The following C8orf34 variants were observed in gnomAD, a reference collection of about 807,000 sequenced individuals.
C8orf34 encodes chromosome 8 open reading frame 34.
A neutral mutation model predicts 68.3 loss-of-function variants in C8orf34; 65 were observed. The observed-to-expected ratio is 0.95, with a 90% CI of 0.78 to 1.17. The LOEUF (loss-of-function observed/expected upper bound fraction) is 1.17. Ranked by LOEUF, C8orf34 falls within the 50% of genes most tolerant of loss-of-function variation. The probability of loss-of-function intolerance (pLI) is 0.00; values close to 1 mark genes in which losing one functional copy is unlikely to be tolerated. For synonymous variants in C8orf34, 244 were observed against 241.2 expected, an observed-to-expected ratio of 1.01 and a Z score of -0.11; for missense variants, 664 against 655.4, an observed-to-expected ratio of 1.01 and a Z score of -0.14.
At chr8:68,676,132 T>G (rs990389664) in intron 8 of C8orf34, among the ~76,000 whole-genome samples, 2 of 152,062 alleles carry the variant, frequency 1.3e-5, no homozygotes, top group East Asian at 3.9e-4. Flanking sequence ...CTCAGGAGTT[T>G]AAGACCAGGT....
chr8:68,490,737 G>A (rs1305923829), intron 5 of C8orf34, among the ~76,000 whole-genome samples: 1 of 152,036 alleles, frequency 6.6e-6, no homozygotes, highest in African/African-American at 2.4e-5. Flanking sequence ...TTTTGCATCT[G>A]ATTTTTGGAG....
chr8:68,568,502 T>TTGGAAAAATGCTGC (rs1816667118), intron 7 of C8orf34, among the ~76,000 whole-genome samples: 1 of 152,014 alleles, frequency 6.6e-6, no homozygotes, highest in Non-Finnish European at 1.5e-5. Context: ...GCCCATGCTG[T>TTGGAAAAATGCTGC]TGGAAAAATG....
chr8:68,620,239 C>G (rs943279903), intron 7 of C8orf34, among the ~76,000 whole-genome samples: 4 of 152,134 alleles, frequency 2.6e-5, no homozygotes, highest in African/African-American at 7.2e-5. Context: ...TGGAGGATAA[C>G]TGGAAATTGA....
intron 7 of C8orf34, among the ~76,000 whole-genome samples, chr8:68,616,540 G>A (rs1370685919): frequency 3.3e-5 from 5 of 152,110 alleles, no homozygotes; most frequent in Admixed American, 2.0e-4. Flanking sequence ...CCTTCATTTC[G>A]TTATGTACCT....
At position 68,521,955 on chromosome 8, in the gene C8orf34, T is replaced by C; in HGVS notation, c.922T>C (p.Ser308Pro). The change falls in exon 6 of 14, where the codon TCT (serine) becomes CCT (proline). Residue 308 changes from serine to proline, a missense_variant. By Grantham distance (74) the Ser-to-Pro change is moderately conservative (BLOSUM62 -1). Coordinates refer to ENST00000518698, the MANE Select transcript of C8orf34 (RefSeq NM_052958.4). ...CCAATGGGAAAGTGAAGATAGTGGC[T>C]CTAGTCCTGCAGGAAGGTGAGATGA... ...NDQWESEDSG[S>P]SPAGSLKMEP... 1 of 1,613,888 alleles carries C rather than the reference T, an allele frequency of 6.2e-7. No individual in the cohort carries two copies. Among genetic ancestry groups the C allele is most frequent in the East Asian group, 2.2e-5 (1 of 44,866 alleles).
At chr8:68,783,541 A>AC (rs941670983) in intron 11 of C8orf34, among the ~76,000 whole-genome samples, 2 of 151,434 alleles carry the variant, frequency 1.3e-5, no homozygotes, top group African/African-American at 4.9e-5. Flanking sequence ...AAAAAAAAAA[A>AC]AAAAAGGAAG....
intron 7 of C8orf34, among the ~76,000 whole-genome samples, chr8:68,578,525 T>G (rs559022927): frequency 6.6e-6 from 1 of 152,044 alleles, no homozygotes; most frequent in African/African-American, 2.4e-5. Flanking sequence ...CCCATAGAGA[T>G]GGGTTTCTTA....
intron 8 of C8orf34, among the ~76,000 whole-genome samples, chr8:68,697,449 A>G (rs529059971): frequency 2.6e-5 from 4 of 152,008 alleles, no homozygotes; most frequent in South Asian, 2.1e-4. Flanking sequence ...TTTTCCCCTC[A>G]TGTGTCTTCT....
At chr8:68,385,189 C>A (rs756237824) in intron 1 of C8orf34, among the ~76,000 whole-genome samples, 1 of 152,096 alleles carries the variant, frequency 6.6e-6, no homozygotes, top group Non-Finnish European at 1.5e-5. Flanking sequence ...TGATCCTTAC[C>A]TCAACCTTAT....
At chr8:68,515,830 C>G (rs1379604380) in intron 5 of C8orf34, among the ~76,000 whole-genome samples, 1 of 152,164 alleles carries the variant, frequency 6.6e-6, no homozygotes, top group Non-Finnish European at 1.5e-5. Context: ...TACTGGCCTT[C>G]AGCCAGTACA....
intron 8 of C8orf34, among the ~76,000 whole-genome samples, chr8:68,697,625 CA>C (rs1198580747): frequency 6.6e-6 from 1 of 152,042 alleles, no homozygotes; most frequent in Non-Finnish European, 1.5e-5. Flanking sequence ...CTCTTTGGGC[CA>C]CCACAGGGAA....
chr8:68,651,845 C>T (rs1003403228), intron 8 of C8orf34, among the ~76,000 whole-genome samples: 1 of 152,066 alleles, frequency 6.6e-6, no homozygotes, highest in African/African-American at 2.4e-5. Context: ...GCCGAAACCC[C>T]TCTATTATGC....
intron 3 of C8orf34, among the ~76,000 whole-genome samples, chr8:68,457,714 G>A: frequency 6.6e-6 from 1 of 152,086 alleles, no homozygotes; most frequent in East Asian, 1.9e-4. Flanking sequence ...TATTTGCAAG[G>A]TGCTGTGGGT....
intron 3 of C8orf34, among the ~76,000 whole-genome samples, chr8:68,467,959 T>C (rs972109606): frequency 2.6e-4 from 39 of 152,022 alleles, no homozygotes; most frequent in African/African-American, 8.5e-4. Flanking sequence ...TGCCCGACAT[T>C]TAATGGGCCC....
At chr8:68,395,812 T>C (rs1214015303) in intron 1 of C8orf34, among the ~76,000 whole-genome samples, 1 of 152,098 alleles carries the variant, frequency 6.6e-6, no homozygotes, top group African/African-American at 2.4e-5. Context: ...TTCAAGTGTC[T>C]ATGCTGGAGT....
At chr8:68,564,759 C>T (rs907495864) in intron 7 of C8orf34, among the ~76,000 whole-genome samples, 3 of 152,054 alleles carry the variant, frequency 2.0e-5, no homozygotes, top group Non-Finnish European at 2.9e-5. Flanking sequence ...ATGTCAATTT[C>T]GTGGATGCTA....
intron 10 of C8orf34, among the ~76,000 whole-genome samples, chr8:68,754,898 T>C (rs1055098380): frequency 4.2e-4 from 64 of 152,322 alleles, no homozygotes; most frequent in Admixed American, 2.2e-3. Context: ...ATAGACACAT[T>C]GGAATTTTTT....
intron 12 of C8orf34, 153 bp downstream of exon 12, chr8:68,787,689 A>G (rs1450236204): frequency 5.9e-6 from 3 of 511,492 alleles, no homozygotes; most frequent in Non-Finnish European, 1.1e-5. Flanking sequence ...GCTATCCTTC[A>G]GGTCTATGTC....
chr8:68,658,823 T>A (rs994606303), intron 8 of C8orf34, among the ~76,000 whole-genome samples: 5 of 152,204 alleles, frequency 3.3e-5, no homozygotes, highest in Non-Finnish European at 5.9e-5. Flanking sequence ...GTTTTCCCCA[T>A]GCAATACCAT....
Sources: gnomAD v4.1 joint callset for allele counts (sites outside exome capture counted in the v4.1 genomes callset) on GRCh38, gnomAD v4.1.1 for gene constraint, MANE v1.5 for transcripts, NCBI Gene and HGNC (gene_info 2026-07-23, HGNC 2026-07-21) for gene names.